The following VOPP1 variants were observed in gnomAD, a reference collection of about 807,000 sequenced individuals.
VOPP1 encodes VOPP1 WW domain binding protein, also known as WW domain binding protein VOPP1.
Under a neutral mutation model 23.5 loss-of-function variants are expected in VOPP1, and 8 were observed. The ratio of observed to expected loss-of-function variants is 0.34; its 90% CI spans 0.20 to 0.61. The LOEUF is 0.61. Among genes scored for constraint, VOPP1 ranks in the 20% least tolerant of loss-of-function variants. The pLI, the probability that VOPP1 is intolerant of heterozygous loss-of-function variation, is 0.78. For missense variants in VOPP1, 174 were observed against 238.1 expected (o/e 0.73, Z 1.77); for synonymous variants, 83 against 97.3 (o/e 0.85, Z 0.86).
At chr7:55,449,521 G>C (rs533261303) in intron 4 of VOPP1, among the ~76,000 whole-genome samples, 5 of 152,366 alleles carry the variant, frequency 3.3e-5, no homozygotes, top group African/African-American at 1.2e-4. Context: ...GGAGAAGGGC[G>C]CGGCCAGCGG....
At chr7:55,470,119 T>C (rs774624618), downstream of VOPP1, among the ~76,000 whole-genome samples, 9 of 152,182 alleles carry the variant, frequency 5.9e-5, no homozygotes, top group Non-Finnish European at 1.2e-4. Flanking sequence ...ACATCTAAAA[T>C]ACATCTTGAG....
intron 1 of VOPP1, among the ~76,000 whole-genome samples, chr7:55,522,088 G>A (rs929021104): frequency 1.3e-5 from 2 of 152,192 alleles, no homozygotes; most frequent in Admixed American, 6.5e-5. Context: ...AGGCAGGGCC[G>A]TCCTGCCCAA....
chr7:55,496,090 A>C (rs1191591281), intron 3 of VOPP1, among the ~76,000 whole-genome samples: 2 of 152,234 alleles, frequency 1.3e-5, no homozygotes, highest in African/African-American at 4.8e-5. Flanking sequence ...CCAGGCCCTA[A>C]AAGTTCAGCT....
intron 1 of VOPP1, among the ~76,000 whole-genome samples, chr7:55,557,671 C>T (rs1187881214): frequency 6.6e-6 from 1 of 152,140 alleles, no homozygotes; most frequent in Non-Finnish European, 1.5e-5. Flanking sequence ...AGTAACTCTG[C>T]CCAGCCACAA....
chr7:55,471,026 T>C lies in VOPP1; in HGVS notation c.*1829A>G, dbSNP rs1182913263. The stretch of plus-strand genomic sequence containing the variant: ...ACAAACGAAATTTAGTCACGGACTT[T>C]TGGGTGCCTATTCAGCTGCACCCGA... On this transcript the variant is annotated 3_prime_UTR_variant, in exon 5 of 5. Coordinates refer to ENST00000285279, the MANE Select transcript of VOPP1 (RefSeq NM_030796.5). 2.0e-5 allele frequency: 3 copies of C among 152,342 alleles called. No homozygotes were observed. The highest frequency in any genetic ancestry group is 1.3e-4 in the Admixed American group (2 of 15,270). The allele number at this position is 152,342 out of a possible 1,614,324, so 9.4% of individuals were successfully genotyped here.
chr7:55,564,329 C>A (rs1328419443), intron 1 of VOPP1, among the ~76,000 whole-genome samples: 1 of 151,722 alleles, frequency 6.6e-6, no homozygotes, highest in African/African-American at 2.4e-5. Context: ...TAGGATCTGT[C>A]CCCACCCTCT....
intron 4 of VOPP1, among the ~76,000 whole-genome samples, chr7:55,478,832 C>T (rs947193535): frequency 2.0e-5 from 3 of 152,304 alleles, no homozygotes; most frequent in Non-Finnish European, 2.9e-5. Flanking sequence ...GATTCAAAAG[C>T]GGAAGTCCAA....
Position 55,527,904 on chromosome 7 carries a change from A to T in VOPP1, c.55-6774T>A, listed in dbSNP as rs1231803067. On this transcript the variant is annotated intron_variant, in intron 1 of 4. Transcript: ENST00000285279. ...GTTTTTAACCCATCAAATTAGTAAT[A>T]AAAAAATCCCAGAGTACCCTTTGCA... Among the ~76,000 whole-genome samples the T allele has an allele frequency of 3.3e-5, 5 of 151,698 alleles. No homozygotes were observed. The East Asian group carries it at 9.7e-4, about 29-fold the overall frequency.
chr7:55,570,537 C>G (rs755896756), intron 1 of VOPP1, among the ~76,000 whole-genome samples: 1 of 152,106 alleles, frequency 6.6e-6, no homozygotes, highest in African/African-American at 2.4e-5. Flanking sequence ...TCACTGAGGC[C>G]GTCTAGGCTA....
At chr7:55,451,965 CA>C (rs1791256356) in intron 4 of VOPP1, among the ~76,000 whole-genome samples, 1 of 152,172 alleles carries the variant, frequency 6.6e-6, no homozygotes, top group Non-Finnish European at 1.5e-5. Flanking sequence ...AATAAGACAA[CA>C]ATGAAGTCTG....
chr7:55,467,656 A>G (rs770488884), downstream of VOPP1, among the ~76,000 whole-genome samples: 4 of 152,208 alleles, frequency 2.6e-5, no homozygotes, highest in Non-Finnish European at 5.9e-5. Flanking sequence ...TGAGCATTCA[A>G]TTTGCATCTC....
chr7:55,477,350 G>C (rs1792337276), intron 4 of VOPP1, among the ~76,000 whole-genome samples: 1 of 152,214 alleles, frequency 6.6e-6, no homozygotes, highest in Non-Finnish European at 1.5e-5. Flanking sequence ...CGGGAGGAGT[G>C]ACTGAAGGGG....
chr7:55,538,722 T>C (rs1796956144), intron 1 of VOPP1: 1 of 1,484,696 alleles, frequency 6.7e-7, no homozygotes, highest in Non-Finnish European at 9.1e-7. Context: ...CGGATTAAAA[T>C]GAGTCATGGC....
chr7:55,484,408 T>C (rs117280441), intron 4 of VOPP1, among the ~76,000 whole-genome samples: 1,790 of 152,198 alleles, frequency 0.012, 12 homozygotes, highest in Middle Eastern at 0.02. Flanking sequence ...TCCTTTATGA[T>C]CTCATCACGC....
At chr7:55,554,701 T>C (rs770663739) in intron 1 of VOPP1, among the ~76,000 whole-genome samples, 1 of 152,200 alleles carries the variant, frequency 6.6e-6, no homozygotes, top group African/African-American at 2.4e-5. Flanking sequence ...CTGCTTCAGA[T>C]ACACTGTCTG....
chr7:55,565,718 A>C (rs184147862), intron 1 of VOPP1, among the ~76,000 whole-genome samples: 90 of 152,024 alleles, frequency 5.9e-4, no homozygotes, highest in Middle Eastern at 3.4e-3. Context: ...TCTCACTGCA[A>C]ACTCAGGGTG....
At chr7:55,475,223 G>A (rs1402301085) in intron 4 of VOPP1, among the ~76,000 whole-genome samples, 1 of 152,208 alleles carries the variant, frequency 6.6e-6, no homozygotes, top group East Asian at 1.9e-4. Flanking sequence ...AGCTCGGTGA[G>A]GGTAATGGCC....
chr7:55,560,682 T>TA (rs775914586), intron 1 of VOPP1, among the ~76,000 whole-genome samples: 1 of 152,172 alleles, frequency 6.6e-6, no homozygotes, highest in Non-Finnish European at 1.5e-5. Context: ...ACCAAGTTTG[T>TA]AGTCACTTGT....
At chr7:55,464,271 G>A (rs1791579315) in intron 4 of VOPP1, among the ~76,000 whole-genome samples, 1 of 152,142 alleles carries the variant, frequency 6.6e-6, no homozygotes, top group Non-Finnish European at 1.5e-5. Flanking sequence ...GTGGTGGGCA[G>A]GTGGCCTACC....
Sources: allele counts gnomAD v4.1 joint callset (sites outside exome capture counted in the v4.1 genomes callset), GRCh38; gene constraint gnomAD v4.1.1; transcripts MANE v1.5; gene names NCBI Gene and HGNC (gene_info 2026-07-23, HGNC 2026-07-21).